Variants in CSF2RA observed in about 807,000 individuals in gnomAD.
CSF2RA encodes colony stimulating factor 2 receptor subunit alpha.
In CSF2RA, 42 loss-of-function variants were observed where a neutral mutation model predicts 51.6. That is an observed-to-expected ratio of 0.81 (90% CI 0.64 to 1.05). CSF2RA has a LOEUF of 1.05. Ranked by LOEUF, CSF2RA falls within the 50% of genes least tolerant of loss-of-function variation. The pLI is 0.00. For synonymous variants in CSF2RA, 222 were observed against 193.0 expected (o/e 1.15, Z -1.24); for missense variants, 530 against 501.1 (o/e 1.06, Z -0.55).
At chrX:1,316,090 T>C in the CSF2RA span, among the ~76,000 whole-genome samples, 3 of 131,514 alleles carry the variant, frequency 2.3e-5, no homozygotes, top group African/African-American at 8.6e-5. Flanking sequence ...AATAGATAAA[T>C]GGATAGATAG....
chrX:1,304,809 C>G (rs1351422405), intron 11 of CSF2RA, among the ~76,000 whole-genome samples: 2 of 150,988 alleles, frequency 1.3e-5, no homozygotes, highest in Non-Finnish European at 2.9e-5. Flanking sequence ...GGATTACAGG[C>G]ATGCACCACG....
chrX:1,288,723 C>T (rs749931498), intron 5 of CSF2RA, 36 bp from the exon 6 acceptor site: 42 of 1,613,786 alleles, frequency 2.6e-5, no homozygotes, highest in Admixed American at 3.3e-5. Flanking sequence ...CGTTGAACTT[C>T]GGAGTGAAAA....
Position 1,292,724 on chromosome X carries a change from T to C in CSF2RA, c.647-1604T>C, listed in dbSNP as rs1473489070. ...AGGGCGGTTTTCTCCTGTCTCAGAA[T>C]AGAACGAATGTACGATCGGGTTTTA... On this transcript the variant is annotated intron_variant, in intron 7 of 12. Coordinates refer to ENST00000381529, the MANE Select transcript of CSF2RA (RefSeq NM_172245.4). 3.3e-5 allele frequency among the ~76,000 whole-genome samples: 5 copies of C among 152,264 alleles called. 1 individual carries two copies. In the South Asian group the frequency reaches 6.2e-4, roughly 19 times the overall value.
At chrX:1,273,311 G>A (rs1370154239) in intron 1 of CSF2RA, among the ~76,000 whole-genome samples, 1 of 150,996 alleles carries the variant, frequency 6.6e-6, no homozygotes, top group African/African-American at 2.5e-5. Flanking sequence ...ATGTTTCTTA[G>A]TTGTATTTTT....
chrX:1,313,886 G>T (rs1464087189), downstream of CSF2RA, among the ~76,000 whole-genome samples: 1 of 152,062 alleles, frequency 6.6e-6, no homozygotes, highest in East Asian at 1.9e-4. Context: ...CTGTACTCAG[G>T]AGGCTGAGGC....
intron 10 of CSF2RA, 55 bp from the exon 11 acceptor site, chrX:1,303,868 C>T: frequency 1.4e-6 from 2 of 1,426,254 alleles, no homozygotes; most frequent in Admixed American, 1.7e-5. Context: ...ATTTAATTTC[C>T]TTTCACATGT....
Position 1,295,459 on chromosome X carries a change from A to T in CSF2RA, c.810+3A>T, listed in dbSNP as rs1227210667. The T allele has an allele frequency of 6.2e-7, 1 of 1,613,460 alleles. No individual in the cohort carries two copies. Among genetic ancestry groups the T allele is most frequent in the Non-Finnish European group, 8.5e-7 (1 of 1,179,552 alleles). ...AGCCTGGCACGGAAAACCTACTGGTAAGTGAAACCACAGACCCTACTGACA... is the reference window on the plus strand; with the variant it reads ...AGCCTGGCACGGAAAACCTACTGGTTAGTGAAACCACAGACCCTACTGACA... On this transcript the variant is annotated splice_donor_region_variant and intron_variant, in intron 9 of 12. Transcript: ENST00000381529.
At chrX:1,294,482 G>T (rs746006659) in intron 8 of CSF2RA, 21 bp downstream of exon 8, 1 of 1,613,610 alleles carries the variant, frequency 6.2e-7, no homozygotes, top group Non-Finnish European at 8.5e-7. Flanking sequence ...GCTCCCCGGG[G>T]CTGGGCACCA....
chrX:1,313,154 G>A (rs1416376052), downstream of CSF2RA, among the ~76,000 whole-genome samples: 2 of 152,132 alleles, frequency 1.3e-5, no homozygotes, highest in South Asian at 2.1e-4. Flanking sequence ...GCCGGGCGTG[G>A]TAGCCATGCC....
chrX:1,285,588 G>C, intron 3 of CSF2RA, 190 bp from the exon 4 acceptor site: 1 of 697,068 alleles, frequency 1.4e-6, no homozygotes, highest in Non-Finnish European at 2.4e-6. Context: ...CCAGCTACTC[G>C]GGAGGCTGAG....
At chrX:1,309,356 G>A (rs751243916) in intron 12 of CSF2RA, 46 bp from the exon 13 acceptor site, 2 of 1,578,906 alleles carry the variant, frequency 1.3e-6, no homozygotes, top group Admixed American at 1.7e-5. Context: ...TGAGTCCCAG[G>A]CTGAGCTCGT....
At chrX:1,309,259 G>C (rs1214544910) in intron 12 of CSF2RA, 143 bp from the exon 13 acceptor site, 1 of 833,748 alleles carries the variant, frequency 1.2e-6, no homozygotes, top group Non-Finnish European at 2.0e-6. Flanking sequence ...AGGTTGCAGT[G>C]AGCTGAGATG....
chrX:1,296,078 C>A (rs1294238320), intron 9 of CSF2RA, among the ~76,000 whole-genome samples: 1 of 151,114 alleles, frequency 6.6e-6, no homozygotes, highest in African/African-American at 2.4e-5. Flanking sequence ...CCCATGAGCC[C>A]TGGCATAACC....
chrX:1,282,914 A>C (rs2090206739), intron 3 of CSF2RA, 135 bp downstream of exon 3: 2 of 815,458 alleles, frequency 2.5e-6, no homozygotes, highest in Admixed American at 1.7e-5. Context: ...AGCACCAGCC[A>C]ACCCACCAGA....
intron 2 of CSF2RA, among the ~76,000 whole-genome samples, chrX:1,276,360 A>ATATTTATT (rs779415702): frequency 0.24 from 35,476 of 149,596 alleles, 4,582 homozygotes; most frequent in East Asian, 0.36. Context: ...GTTTGTTTAT[A>ATATTTATT]TATTTATTTA....
At chrX:1,314,826 C>T (rs372936284), downstream of CSF2RA, among the ~76,000 whole-genome samples, 15 of 95,722 alleles carry the variant, frequency 1.6e-4, 1 homozygote, top group African/African-American at 5.6e-4. Flanking sequence ...CTGTGCCTGC[C>T]CAACCGCACT....
At chrX:1,301,371 G>C (rs2082904348) in intron 10 of CSF2RA, among the ~76,000 whole-genome samples, 1 of 149,668 alleles carries the variant, frequency 6.7e-6, no homozygotes, top group South Asian at 2.1e-4. Flanking sequence ...GTAGAAGGAG[G>C]TGGTCTCATA....
At position 1,281,912 on chromosome X, in the gene CSF2RA, AG is replaced by A. The variant is rs2090116537; in HGVS notation, c.-26-763del. 7 of 146,874 alleles carry A rather than the reference AG, an allele frequency of 4.8e-5. 1 individual carries two copies. The Admixed American group carries it at 4.9e-4, about 10-fold the overall frequency. 9.1% of individuals were successfully genotyped at this position (146,874 alleles called of 1,614,324 possible). On this transcript the variant is annotated intron_variant, in intron 2 of 12. Coordinates refer to ENST00000381529, the MANE Select transcript of CSF2RA (RefSeq NM_172245.4). ...GATTTTTTAAAAAATATAAAAGAGC[AG>A]GGCCGGGCACGGTGGCTCACGCCTG...
At chrX:1,282,552 T>G in intron 2 of CSF2RA, 126 bp from the exon 3 acceptor site, 1 of 773,772 alleles carries the variant, frequency 1.3e-6, no homozygotes, top group South Asian at 1.4e-5. Context: ...TGACCCCTCA[T>G]TTGACCAGGT....
Sources: allele counts gnomAD v4.1 joint callset (sites outside exome capture counted in the v4.1 genomes callset), GRCh38; gene constraint gnomAD v4.1.1; transcripts MANE v1.5; gene names NCBI Gene and HGNC (gene_info 2026-07-23, HGNC 2026-07-21).